Variants in TNIP2 observed in about 807,000 individuals in gnomAD.
The protein encoded by TNIP2 is TNFAIP3 interacting protein 2.
Under a neutral mutation model 43.7 loss-of-function variants are expected in TNIP2, and 30 were observed. The ratio of observed to expected loss-of-function variants is 0.69; its 90% CI spans 0.51 to 0.93. The LOEUF is 0.93. TNIP2 is among the 40% of genes least tolerant of loss of function. The pLI is 0.00. For missense variants in TNIP2, 599 were observed against 591.0 expected (o/e 1.01, Z -0.14); for synonymous variants, 260 against 254.6 (o/e 1.02, Z -0.20).
At chr4:2,753,444 AAAT>A (rs1722150840) in intron 1 of TNIP2, among the ~76,000 whole-genome samples, 1 of 152,166 alleles carries the variant, frequency 6.6e-6, no homozygotes, top group Admixed American at 6.6e-5. Context: ...TGTCTCAAAA[AAAT>A]AAAAAAATAA....
chr4:2,748,958 C>CT (rs1455859012), intron 1 of TNIP2, among the ~76,000 whole-genome samples: 1 of 151,948 alleles, frequency 6.6e-6, no homozygotes, highest in East Asian at 1.9e-4. Flanking sequence ...GCCTGGTTAA[C>CT]TTTTTTGTAT....
Position 2,756,133 on chromosome 4 carries a change from C to T in TNIP2, c.157G>A (p.Ala53Thr). ...ALIARLRARL[A>T]ALEGDAAPSL... ...GGCGCGGCGTCCCCCTCCAGCGCGG[C>T]CAGGCGGGCGCGGAGGCGAGCGATG... Residue 53 changes from alanine (A) to threonine (T), a missense_variant, in exon 1 of 6, where the codon GCC becomes ACC. Coordinates refer to ENST00000315423, the MANE Select transcript of TNIP2 (RefSeq NM_024309.4). 6.8e-7 allele frequency: 1 copy of T among 1,474,066 alleles called. No individual in the cohort carries two copies. The highest frequency in any genetic ancestry group is 1.3e-5 in the South Asian group (1 of 77,576). The allele number at this position is 1,474,066 out of a possible 1,614,324, so 91.3% of individuals were successfully genotyped here. A position where few individuals can be genotyped will look rare whatever the true frequency, so the allele number is the denominator to read the frequency against.
chr4:2,744,906 T>C lies in TNIP2; in HGVS notation c.697A>G (p.Ser233Gly). 6.2e-7 allele frequency: 1 copy of C among 1,611,710 alleles called. No individual in the cohort carries two copies. The highest frequency in any genetic ancestry group is 1.1e-5 in the South Asian group (1 of 91,062). ...LNAKWQRYNA[S>G]RDEYVRGLHA... is the part of the protein sequence containing the mutation. ...AGCCCCCTCACGTATTCGTCCCTGC[T>C]GGCGTTGTAGCGCTGCCACTTGGCA... is the stretch of plus-strand genomic sequence containing the variant. The change falls in exon 4 of 6, where the codon AGC (serine) becomes GGC (glycine). Residue 233 changes from serine to glycine, a missense_variant. By Grantham distance (56) the Ser-to-Gly change is moderately conservative (BLOSUM62 0). Transcript: ENST00000315423. This position sits in a 1 kb window ranked among gnomAD's most constrained non-coding sequence, Gnocchi z 5.1.
At position 2,756,273 on chromosome 4, in the gene TNIP2, C is replaced by T. The variant is rs1722247292; in HGVS notation, c.17G>A (p.Gly6Glu). ...CGGGGCCTCCTCCCAGCCGCCCGAC[C>T]CCGGGTCCCGGGACATGGCTGTAGG... MSRDP[G>E]SGGWEEAPRA... The change falls in exon 1 of 6, where the codon GGG becomes GAG. Residue 6 changes from glycine (G) to glutamate (E), a missense_variant. Transcript: ENST00000315423. 2.1e-6 allele frequency: 3 copies of T among 1,418,232 alleles called. No homozygotes were observed. The highest frequency in any genetic ancestry group is 2.9e-5 in the Admixed American group (1 of 34,836). 87.9% of individuals were successfully genotyped at this position (1,418,232 alleles called of 1,614,324 possible).
intron 5 of TNIP2, among the ~76,000 whole-genome samples, chr4:2,742,792 A>G (rs57232780): frequency 0.042 from 6,403 of 152,270 alleles, 176 homozygotes; most frequent in African/African-American, 0.069. Context: ...AGTTGGACCT[A>G]TCGGCCCCAG....
At position 2,755,906 on chromosome 4, in the gene TNIP2, C is replaced by T. The variant is rs1277410745; in HGVS notation, c.276+108G>A. 3.0e-6 allele frequency: 4 copies of T among 1,351,346 alleles called. No individual in the cohort carries two copies. The African/African-American group carries it at 4.6e-5, about 16-fold the overall frequency. The allele number at this position is 1,351,346 out of a possible 1,614,324, so 83.7% of individuals were successfully genotyped here. On this transcript the variant is annotated intron_variant, in intron 1 of 5. Coordinates refer to ENST00000315423, the MANE Select transcript of TNIP2 (RefSeq NM_024309.4). The stretch of plus-strand genomic sequence containing the variant: ...GCCAACTCAACCCCAGGACCCAGTA[C>T]CCCCTCAACCCCTCAGGACCCGGGG...
chr4:2,754,503 G>A (rs1011323982), intron 1 of TNIP2, among the ~76,000 whole-genome samples: 3 of 152,204 alleles, frequency 2.0e-5, no homozygotes, highest in Non-Finnish European at 2.9e-5. Flanking sequence ...TGCAAGCTCC[G>A]CCGCCCGGGT....
chr4:2,742,946 C>G (rs1721835994), intron 5 of TNIP2, among the ~76,000 whole-genome samples: 2 of 152,194 alleles, frequency 1.3e-5, no homozygotes, highest in Non-Finnish European at 2.9e-5. Flanking sequence ...GGGTGCTGAG[C>G]ACTCTGGGGC....
At position 2,742,158 on chromosome 4, in the gene TNIP2, C is replaced by CT. The variant is rs1721805974; in HGVS notation, c.*98dup. 7.4e-6 allele frequency: 9 copies of CT among 1,221,044 alleles called. No individual in the cohort carries two copies. The South Asian group carries it at 1.9e-4, about 25-fold the overall frequency. 75.6% of individuals were successfully genotyped at this position (1,221,044 alleles called of 1,614,324 possible). ...CGCAACTATTCTAGGGGCCTTGGCT[C>CT]TCAGTAGAGCTCAACCCATGGCATC... On this transcript the variant is annotated 3_prime_UTR_variant, in exon 6 of 6. Transcript: ENST00000315423.
At chr4:2,754,623 A>G (rs1368082989) in intron 1 of TNIP2, among the ~76,000 whole-genome samples, 3 of 152,186 alleles carry the variant, frequency 2.0e-5, no homozygotes, top group South Asian at 2.1e-4. Flanking sequence ...TCACCATGTT[A>G]GCCAGGATGG....
Position 2,744,994 on chromosome 4 carries a change from T to A in TNIP2, c.658-49A>T, listed in dbSNP as rs1040202456. The A allele has an allele frequency of 1.3e-6, 2 of 1,567,080 alleles. No homozygotes were observed. Among genetic ancestry groups the A allele is most frequent in the Non-Finnish European group, 1.7e-6 (2 of 1,154,524 alleles). ...TCACGGTGAAGGCAGCTGACAAAGC[T>A]GCTCAAGCCAGCACCCAGTGTGAAT... On this transcript the variant is annotated intron_variant, in intron 3 of 5. Coordinates refer to ENST00000315423, the MANE Select transcript of TNIP2 (RefSeq NM_024309.4). This position sits in a 1 kb window ranked among gnomAD's most constrained non-coding sequence, Gnocchi z 5.1.
intron 1 of TNIP2, among the ~76,000 whole-genome samples, chr4:2,750,682 T>TG (rs1322463759): frequency 2.6e-5 from 4 of 151,036 alleles, no homozygotes; most frequent in Admixed American, 6.6e-5. Flanking sequence ...ACTTCTGGTT[T>TG]TTTTTTTTTT....
chr4:2,742,198 C>G lies in TNIP2; in HGVS notation c.*59G>C, dbSNP rs1721806875. 1.0e-5 allele frequency: 14 copies of G among 1,393,594 alleles called. No homozygotes were observed. In the South Asian group the frequency reaches 2.4e-4, roughly 24 times the overall value. The allele number at this position is 1,393,594 out of a possible 1,614,324, so 86.3% of individuals were successfully genotyped here. A position where few individuals can be genotyped will look rare whatever the true frequency, so the allele number is the denominator to read the frequency against. On this transcript the variant is annotated 3_prime_UTR_variant, in exon 6 of 6. Transcript: ENST00000315423. ...CCCATGGCATCTGAGAGCACCCACCCTGTCCCTGAGGGCAGCTGCACCGGG... is the reference window on the plus strand; with the variant it reads ...CCCATGGCATCTGAGAGCACCCACCGTGTCCCTGAGGGCAGCTGCACCGGG...
chr4:2,745,007 A>G (rs1721907592), intron 3 of TNIP2, 62 bp from the exon 4 acceptor site: 1 of 1,543,526 alleles, frequency 6.5e-7, no homozygotes. Context: ...TCAAGCCAGC[A>G]CCCAGTGTGA....
intron 3 of TNIP2, 179 bp downstream of exon 3, chr4:2,745,267 G>C (rs1721915124): frequency 3.2e-6 from 2 of 620,280 alleles, no homozygotes; most frequent in Non-Finnish European, 5.7e-6. Context: ...GATGGAGATG[G>C]ACAGGACATG....
intron 2 of TNIP2, 112 bp from the exon 3 acceptor site, chr4:2,745,647 G>C: frequency 4.1e-6 from 3 of 730,276 alleles, no homozygotes; most frequent in Non-Finnish European, 7.2e-6. Flanking sequence ...CAGTGCAGCG[G>C]GTAGTGATCA....
At chr4:2,749,336 G>A (rs989452652) in intron 1 of TNIP2, among the ~76,000 whole-genome samples, 1 of 152,350 alleles carries the variant, frequency 6.6e-6, no homozygotes, top group East Asian at 1.9e-4. Context: ...AAACTCCACT[G>A]TGGTGGGTAA....
intron 1 of TNIP2, among the ~76,000 whole-genome samples, chr4:2,749,108 G>A (rs1722036674): frequency 6.6e-6 from 1 of 152,120 alleles, no homozygotes; most frequent in South Asian, 2.1e-4. Flanking sequence ...ATTTTCACAA[G>A]CAAGTTCATA....
chr4:2,747,255 C>G (rs887132881), intron 2 of TNIP2, among the ~76,000 whole-genome samples: 2 of 152,248 alleles, frequency 1.3e-5, no homozygotes, highest in African/African-American at 2.4e-5. Context: ...ACTGGAGGCA[C>G]TCCCCATCCC....
Sources: gnomAD v4.1 joint callset for allele counts (sites outside exome capture counted in the v4.1 genomes callset) on GRCh38, gnomAD v4.1.1 for gene constraint, Gnocchi (gnomAD v3.1) non-coding constraint, MANE v1.5 for transcripts, NCBI Gene and HGNC (gene_info 2026-07-23, HGNC 2026-07-21) for gene names.